NEGR1: variants seen among roughly 807,000 people sequenced by gnomAD.
The protein encoded by NEGR1 is IgLON family member 4.
Under a neutral mutation model 40.9 loss-of-function variants are expected in NEGR1, and 10 were observed. That is an observed-to-expected ratio of 0.24 (90% CI 0.15 to 0.42). The LOEUF is 0.42. Ranked by LOEUF, NEGR1 falls within the 10% of genes least tolerant of loss-of-function variation. The pLI is 1.00. For synonymous variants in NEGR1, 185 were observed against 166.8 expected (o/e 1.11, Z -0.84); for missense variants, 352 against 438.9 (o/e 0.80, Z 1.77).
intron 4 of NEGR1, among the ~76,000 whole-genome samples, chr1:71,635,160 T>A (rs1408524288): frequency 6.6e-6 from 1 of 151,388 alleles, no homozygotes; most frequent in Non-Finnish European, 1.5e-5. Flanking sequence ...CAAGTATATA[T>A]TGGAAGAAAA....
At chr1:71,943,241 TACACAC>T (rs201120267) in intron 1 of NEGR1, among the ~76,000 whole-genome samples, 2 of 149,408 alleles carry the variant, frequency 1.3e-5, no homozygotes, top group African/African-American at 4.9e-5. Context: ...TACTCACACA[TACACAC>T]ACATACATAC....
At chr1:71,608,313 G>GA (rs1650133100) in intron 5 of NEGR1, among the ~76,000 whole-genome samples, 1 of 151,998 alleles carries the variant, frequency 6.6e-6, no homozygotes, top group East Asian at 1.9e-4. Context: ...ATTGATTGGG[G>GA]AAAATCAATC....
intron 1 of NEGR1, among the ~76,000 whole-genome samples, chr1:72,183,900 A>G (rs906978402): frequency 3.9e-5 from 6 of 152,074 alleles, no homozygotes; most frequent in African/African-American, 1.4e-4. Context: ...GAAAATACTG[A>G]TGGGAAAGCA....
chr1:71,648,690 C>T (rs375663060), intron 4 of NEGR1, among the ~76,000 whole-genome samples: 2 of 152,084 alleles, frequency 1.3e-5, no homozygotes, highest in Non-Finnish European at 2.9e-5. Context: ...TAAAGATCTA[C>T]GGTTCAATCA....
chr1:72,275,262 AT>A (rs1017455904), intron 1 of NEGR1: 30 of 544,588 alleles, frequency 5.5e-5, no homozygotes, highest in Non-Finnish European at 9.8e-5. Flanking sequence ...GTTATACCAC[AT>A]TTTTTTCTGT....
intron 6 of NEGR1, among the ~76,000 whole-genome samples, chr1:71,541,863 A>G (rs1647715492): frequency 6.6e-6 from 1 of 151,802 alleles, no homozygotes; most frequent in African/African-American, 2.4e-5. Context: ...GCTTTCCTAC[A>G]GAAGAGCTGT....
intron 1 of NEGR1, among the ~76,000 whole-genome samples, chr1:72,222,652 A>G (rs556819924): frequency 6.6e-6 from 1 of 152,116 alleles, no homozygotes; most frequent in Non-Finnish European, 1.5e-5. Flanking sequence ...AGGTATGTTA[A>G]TGGTGGTTAG....
At chr1:72,058,672 T>G (rs1569892429) in intron 1 of NEGR1, among the ~76,000 whole-genome samples, 1 of 151,644 alleles carries the variant, frequency 6.6e-6, no homozygotes, top group South Asian at 2.1e-4. Context: ...GGTAGGCAAA[T>G]GTTTCATTTA....
chr1:72,030,617 G>A (rs1646849508), intron 1 of NEGR1, among the ~76,000 whole-genome samples: 2 of 152,060 alleles, frequency 1.3e-5, no homozygotes, highest in South Asian at 4.2e-4. Context: ...TTTCTGAAAT[G>A]TAGTCATCAC....
At chr1:71,712,914 C>T (rs895865987) in intron 3 of NEGR1, among the ~76,000 whole-genome samples, 2 of 152,198 alleles carry the variant, frequency 1.3e-5, no homozygotes, top group Non-Finnish European at 2.9e-5. Context: ...TCCCCTTCAA[C>T]ATTCTGCCAC....
intron 1 of NEGR1, among the ~76,000 whole-genome samples, chr1:72,165,660 G>A (rs1651739215): frequency 6.6e-6 from 1 of 151,904 alleles, no homozygotes; most frequent in Non-Finnish European, 1.5e-5. Flanking sequence ...CTAGCTTATT[G>A]AAATTTGAAA....
At chr1:71,697,789 C>A in intron 4 of NEGR1, 1 of 525,516 alleles carries the variant, frequency 1.9e-6, no homozygotes, top group Non-Finnish European at 3.4e-6. Flanking sequence ...ACATTTCACT[C>A]CATACATCAG....
intron 4 of NEGR1, among the ~76,000 whole-genome samples, chr1:71,655,250 T>C (rs745572092): frequency 4.6e-5 from 7 of 152,108 alleles, no homozygotes; most frequent in Non-Finnish European, 7.4e-5. Flanking sequence ...CTTACAAAAA[T>C]GTTAAAGAGC....
chr1:71,534,777 G>A (rs992840893), intron 6 of NEGR1, among the ~76,000 whole-genome samples: 2 of 151,534 alleles, frequency 1.3e-5, no homozygotes, highest in African/African-American at 2.4e-5. Context: ...GAAATCATAG[G>A]AGCTAATAAA....
chr1:72,124,558 C>A (rs1649937157), intron 1 of NEGR1, among the ~76,000 whole-genome samples: 1 of 151,970 alleles, frequency 6.6e-6, no homozygotes, highest in African/African-American at 2.4e-5. Context: ...AAAGCAAAGA[C>A]CAAATGGCTC....
chr1:72,178,108 T>C (rs905815266), intron 1 of NEGR1, among the ~76,000 whole-genome samples: 1 of 152,020 alleles, frequency 6.6e-6, no homozygotes, highest in Admixed American at 6.6e-5. Flanking sequence ...TCAAAGATAT[T>C]AAATTGCATA....
intron 6 of NEGR1, among the ~76,000 whole-genome samples, chr1:71,573,787 G>C (rs893612734): frequency 1.3e-5 from 2 of 152,118 alleles, no homozygotes; most frequent in Non-Finnish European, 1.5e-5. Context: ...AGACTCTCTA[G>C]ACTTTTGAAA....
chr1:71,478,588 CT>C (rs1425864228), intron 6 of NEGR1, among the ~76,000 whole-genome samples: 2 of 152,084 alleles, frequency 1.3e-5, no homozygotes, highest in African/African-American at 2.4e-5. Flanking sequence ...GAATGGTCCC[CT>C]GCCTGACTTA....
At chr1:72,110,463 GTTTAT>G (rs1344245596) in intron 1 of NEGR1, among the ~76,000 whole-genome samples, 2 of 151,444 alleles carry the variant, frequency 1.3e-5, no homozygotes, top group African/African-American at 4.8e-5. Flanking sequence ...AGGTTTGCCT[GTTTAT>G]TTTATGGTAG....
Sources: gnomAD v4.1 joint callset for allele counts (sites outside exome capture counted in the v4.1 genomes callset) on GRCh38, gnomAD v4.1.1 for gene constraint, MANE v1.5 for transcripts, NCBI Gene and HGNC (gene_info 2026-07-23, HGNC 2026-07-21) for gene names.